Variants in CSMD1 observed in about 807,000 individuals in gnomAD.
The protein encoded by CSMD1 is CUB and Sushi multiple domains 1, also known as CUB and sushi domain-containing protein 1.
CSMD1 carries 213 observed loss-of-function variants against 417.5 expected under a neutral mutation model. The observed-to-expected ratio is 0.51, with a 90% CI of 0.46 to 0.57. The LOEUF is 0.57. CSMD1 is among the 20% of genes least tolerant of loss of function. The pLI is 0.00. For synonymous variants in CSMD1, 2,862 were observed against 1,736.8 expected (o/e 1.65, Z -16.11); for missense variants, 6,923 against 4,529.7 (o/e 1.53, Z -15.17).
intron 1 of CSMD1, among the ~76,000 whole-genome samples, chr8:4,685,148 A>G (rs1159362924): frequency 1.3e-5 from 2 of 152,380 alleles, no homozygotes; most frequent in East Asian, 1.9e-4. Context: ...TAATCATTGT[A>G]TGTTGTAAAC....
intron 3 of CSMD1, among the ~76,000 whole-genome samples, chr8:4,150,816 G>C (rs1429922617): frequency 1.3e-5 from 2 of 152,074 alleles, no homozygotes; most frequent in East Asian, 1.9e-4. Context: ...GGTGTTGGGA[G>C]AAGACAGGGA....
chr8:4,101,677 A>C (rs1222337551), intron 3 of CSMD1, among the ~76,000 whole-genome samples: 2 of 152,246 alleles, frequency 1.3e-5, no homozygotes, highest in African/African-American at 4.8e-5. Context: ...AATTTATGAA[A>C]GTGATGGTAA....
intron 3 of CSMD1, among the ~76,000 whole-genome samples, chr8:4,294,129 C>T (rs982612451): frequency 6.6e-6 from 1 of 152,156 alleles, no homozygotes; most frequent in African/African-American, 2.4e-5. Context: ...GGCAATGACA[C>T]TGACGTCTGA....
At position 3,613,260 on chromosome 8, in the gene CSMD1, A is replaced by G. The variant is rs143488785; in HGVS notation, c.1097+3450T>C. 1,387 of 423,040 alleles carry G rather than the reference A, an allele frequency of 3.3e-3. 17 individuals carry two copies. The highest frequency in any genetic ancestry group is 0.027 in the African/African-American group (1,306 of 48,306). 26.2% of individuals were successfully genotyped at this position (423,040 alleles called of 1,614,324 possible). On this transcript the variant is annotated intron_variant, in intron 8 of 69. Transcript: ENST00000635120. ...AGCCTGTAAGTAGAAAAGAAATTCA[A>G]TCCGTAATTAAAAACCTACTTGTAA... is the stretch of plus-strand genomic sequence containing the variant.
chr8:3,896,258 T>A (rs539150992), intron 5 of CSMD1, among the ~76,000 whole-genome samples: 54 of 152,238 alleles, frequency 3.5e-4, no homozygotes, highest in Non-Finnish European at 5.7e-4. Context: ...AAACAGTCCT[T>A]CCAGAACTTG....
At position 4,949,985 on chromosome 8, in the gene CSMD1, C is replaced by A. The variant is rs373980621; in HGVS notation, c.85+44347G>T. ...AACAGTTAATGCAAATGTTTTTTAT[C>A]TAATTGGTCACGACTATTGATTGAG... On this transcript the variant is annotated intron_variant, in intron 1 of 69. Transcript: ENST00000635120. 1.1e-4 allele frequency among the ~76,000 whole-genome samples: 17 copies of A among 152,090 alleles called. No individual in the cohort carries two copies. In the East Asian group the frequency reaches 3.3e-3, roughly 29 times the overall value.
At chr8:3,879,167 G>A (rs1301524409) in intron 5 of CSMD1, among the ~76,000 whole-genome samples, 3 of 152,104 alleles carry the variant, frequency 2.0e-5, no homozygotes, top group Non-Finnish European at 4.4e-5. Context: ...GCCTGGAGCA[G>A]GTGGTGGTTT....
At chr8:3,513,268 T>G (rs1797153725) in intron 10 of CSMD1, among the ~76,000 whole-genome samples, 1 of 152,090 alleles carries the variant, frequency 6.6e-6, no homozygotes, top group African/African-American at 2.4e-5. Flanking sequence ...TTATTTTGTT[T>G]TTTGTAAGAG....
At chr8:4,061,538 G>C (rs1202995254) in intron 3 of CSMD1, among the ~76,000 whole-genome samples, 6 of 152,162 alleles carry the variant, frequency 3.9e-5, no homozygotes, top group African/African-American at 1.2e-4. Context: ...CTGCAGTGAA[G>C]AAAGCCTACA....
chr8:4,992,909 C>T (rs1188617910), intron 1 of CSMD1, among the ~76,000 whole-genome samples: 5 of 152,326 alleles, frequency 3.3e-5, no homozygotes, highest in African/African-American at 9.6e-5. Context: ...CAGACACCCC[C>T]TTGTGAGGGT....
At chr8:3,625,572 CT>C (rs1796452595) in intron 7 of CSMD1, among the ~76,000 whole-genome samples, 1 of 152,118 alleles carries the variant, frequency 6.6e-6, no homozygotes, top group Non-Finnish European at 1.5e-5. Context: ...ATCAAGCTCT[CT>C]TTTAGTTTAT....
chr8:3,631,390 G>A lies in CSMD1; in HGVS notation c.1010-14593C>T, dbSNP rs370117195. On this transcript the variant is annotated intron_variant, in intron 7 of 69. Coordinates refer to ENST00000635120, the MANE Select transcript of CSMD1 (RefSeq NM_033225.6). ...GCAACACGTGAGGTAGTCAGTGACT[G>A]GAGTAGCAAAGAAGCCAGCCCGTGG... Among the ~76,000 whole-genome samples, 16 of 152,302 alleles carry A rather than the reference G, an allele frequency of 1.1e-4. No homozygotes were observed. In the South Asian group the frequency reaches 1.2e-3, roughly 12 times the overall value.
chr8:4,206,323 T>C (rs1799976108), intron 3 of CSMD1, among the ~76,000 whole-genome samples: 1 of 152,146 alleles, frequency 6.6e-6, no homozygotes, highest in Admixed American at 6.5e-5. Context: ...TAGGTATATC[T>C]CCTGATGCTA....
intron 7 of CSMD1, among the ~76,000 whole-genome samples, chr8:3,637,696 C>G (rs1256049586): frequency 6.6e-6 from 1 of 152,190 alleles, no homozygotes; most frequent in African/African-American, 2.4e-5. Context: ...TGAATTACCT[C>G]TGGCATACAG....
At position 4,530,203 on chromosome 8, in the gene CSMD1, G is replaced by A. The variant is rs912439522; in HGVS notation, c.302+107139C>T. ...GCTAGGATTACAGGCACGAGCCACCGCGCCAGGCCTGCCATTGTTATTTGT... is the reference window on the plus strand; with the variant it reads ...GCTAGGATTACAGGCACGAGCCACCACGCCAGGCCTGCCATTGTTATTTGT... On this transcript the variant is annotated intron_variant, in intron 2 of 69. Coordinates refer to ENST00000635120, the MANE Select transcript of CSMD1 (RefSeq NM_033225.6). 5.3e-5 allele frequency among the ~76,000 whole-genome samples: 8 copies of A among 151,434 alleles called. No individual in the cohort carries two copies. The South Asian group carries it at 1.5e-3, about 28-fold the overall frequency.
intron 5 of CSMD1, among the ~76,000 whole-genome samples, chr8:3,940,115 T>C (rs1810774762): frequency 6.6e-6 from 1 of 152,186 alleles, no homozygotes; most frequent in South Asian, 2.1e-4. Flanking sequence ...CATTTTCTTT[T>C]ATAAAGTAAA....
intron 1 of CSMD1, among the ~76,000 whole-genome samples, chr8:4,927,987 G>A (rs1362752702): frequency 6.6e-6 from 1 of 152,062 alleles, no homozygotes; most frequent in Non-Finnish European, 1.5e-5. Flanking sequence ...TCTGTGTAAA[G>A]CTCCCGAGTC....
At chr8:4,744,279 T>C (rs1446696844) in intron 1 of CSMD1, among the ~76,000 whole-genome samples, 4 of 152,298 alleles carry the variant, frequency 2.6e-5, no homozygotes, top group South Asian at 4.1e-4. Flanking sequence ...CTTTGCCTTT[T>C]TAATGTAACT....
chr8:3,839,271 T>G (rs1025134315), intron 5 of CSMD1, among the ~76,000 whole-genome samples: 2 of 124,516 alleles, frequency 1.6e-5, no homozygotes, highest in African/African-American at 6.0e-5. Context: ...ATATATACTA[T>G]TAATATATAA....
Sources: allele counts gnomAD v4.1 joint callset (sites outside exome capture counted in the v4.1 genomes callset), GRCh38; gene constraint gnomAD v4.1.1; transcripts MANE v1.5; gene names NCBI Gene and HGNC (gene_info 2026-07-23, HGNC 2026-07-21).